STXBP6: variants seen among roughly 807,000 people sequenced by gnomAD.
The protein encoded by STXBP6 is syntaxin binding protein 6.
A neutral mutation model predicts 26.9 loss-of-function variants in STXBP6; 21 were observed. The observed-to-expected ratio is 0.78, with a 90% CI of 0.55 to 1.12. The LOEUF (loss-of-function observed/expected upper bound fraction) is 1.12, where lower values mean the gene tolerates loss of function less well. STXBP6 is among the 50% of genes most tolerant of loss of function. The probability of loss-of-function intolerance (pLI) is 0.00; values close to 1 mark genes in which losing one functional copy is unlikely to be tolerated. For synonymous variants in STXBP6, 97 were observed against 92.6 expected, an observed-to-expected ratio of 1.05 and a Z score of -0.27; for missense variants, 232 against 257.9, an observed-to-expected ratio of 0.90 and a Z score of 0.69.
At chr14:25,018,613 A>G (rs2075203657) in intron 1 of STXBP6, among the ~76,000 whole-genome samples, 1 of 152,180 alleles carries the variant, frequency 6.6e-6, no homozygotes, top group Non-Finnish European at 1.5e-5. Context: ...ATGTTGGCAT[A>G]GCAGGAAAAA....
chr14:24,813,362 A>G (rs1270538714), intron 5 of STXBP6, among the ~76,000 whole-genome samples: 7 of 152,192 alleles, frequency 4.6e-5, no homozygotes, highest in Non-Finnish European at 8.8e-5. Flanking sequence ...AAATACCACA[A>G]TATCAGTCAA....
intron 1 of STXBP6, among the ~76,000 whole-genome samples, chr14:25,006,694 A>G (rs771196076): frequency 2.6e-5 from 4 of 152,214 alleles, no homozygotes; most frequent in Non-Finnish European, 5.9e-5. Flanking sequence ...ACACTAGTAC[A>G]GCATAAAATT....
intron 2 of STXBP6, among the ~76,000 whole-genome samples, chr14:24,962,286 ATTTT>A (rs1566513741): frequency 7.0e-6 from 1 of 142,586 alleles, no homozygotes; most frequent in Non-Finnish European, 1.5e-5. Flanking sequence ...AGTACAAGAT[ATTTT>A]ATTTATTTAT....
At chr14:25,014,050 C>T (rs2075093387) in intron 1 of STXBP6, among the ~76,000 whole-genome samples, 1 of 152,144 alleles carries the variant, frequency 6.6e-6, no homozygotes, top group East Asian at 1.9e-4. Flanking sequence ...TTTGTTTCAA[C>T]ATAATCCCTG....
chr14:24,973,175 G>A (rs903699769), intron 2 of STXBP6, among the ~76,000 whole-genome samples: 3 of 152,236 alleles, frequency 2.0e-5, no homozygotes, highest in Non-Finnish European at 4.4e-5. Context: ...AGTATTAGGT[G>A]AGGCTACTTC....
chr14:24,997,716 AC>A (rs1566548283), intron 1 of STXBP6, among the ~76,000 whole-genome samples: 1 of 152,174 alleles, frequency 6.6e-6, no homozygotes, highest in Non-Finnish European at 1.5e-5. Flanking sequence ...CTGTAAATCC[AC>A]CCTTCAGAGA....
intron 2 of STXBP6, among the ~76,000 whole-genome samples, chr14:24,936,456 G>A (rs896293351): frequency 1.3e-5 from 2 of 152,134 alleles, no homozygotes; most frequent in Admixed American, 6.5e-5. Flanking sequence ...AGAATGTGAA[G>A]AAAGAAATCT....
chr14:24,898,710 CAA>C (rs1186715832), intron 2 of STXBP6, among the ~76,000 whole-genome samples: 4 of 151,926 alleles, frequency 2.6e-5, no homozygotes, highest in African/African-American at 9.7e-5. Context: ...AAAGAAATGG[CAA>C]GGGATTTAGG....
In STXBP6 at chr14:25,022,565, T is replaced by G. The variant is rs572473815; in HGVS notation, c.-33+27313A>C. ...AGAATTTCTCAAAAGGAAATTAAGG[T>G]GCTGCTACCAAAAAAGAAAATCGAT... is the stretch of plus-strand genomic sequence containing the variant. On this transcript the variant is annotated intron_variant, in intron 1 of 5. Coordinates refer to ENST00000323944, the MANE Select transcript of STXBP6 (RefSeq NM_001394410.1). Among the ~76,000 whole-genome samples, 7 of 152,278 alleles carry G rather than the reference T, an allele frequency of 4.6e-5. No individual in the cohort carries two copies. The South Asian group carries it at 1.4e-3, about 32-fold the overall frequency.
intron 2 of STXBP6, among the ~76,000 whole-genome samples, chr14:24,858,215 A>T (rs1035585321): frequency 1.3e-5 from 2 of 152,100 alleles, no homozygotes; most frequent in African/African-American, 2.4e-5. Flanking sequence ...TACAGAAAGC[A>T]CCTACTCCAA....
chr14:24,820,849 A>G (rs1299659450), intron 4 of STXBP6, among the ~76,000 whole-genome samples: 2 of 152,222 alleles, frequency 1.3e-5, no homozygotes, highest in Non-Finnish European at 2.9e-5. Context: ...CTGGTTTCCC[A>G]GTGACTTTTC....
At chr14:24,862,001 TTC>T (rs754355440) in intron 2 of STXBP6, among the ~76,000 whole-genome samples, 10 of 152,088 alleles carry the variant, frequency 6.6e-5, no homozygotes, top group Non-Finnish European at 1.2e-4. Flanking sequence ...GCGTTTTTTG[TTC>T]TGTTTTGCTT....
At chr14:24,820,131 A>G (rs1438474249) in intron 4 of STXBP6, among the ~76,000 whole-genome samples, 1 of 152,248 alleles carries the variant, frequency 6.6e-6, no homozygotes, top group East Asian at 1.9e-4. Flanking sequence ...TTATAGCTGT[A>G]TTTTGTTAAC....
At chr14:24,938,249 T>C (rs1310129721) in intron 2 of STXBP6, among the ~76,000 whole-genome samples, 1 of 152,174 alleles carries the variant, frequency 6.6e-6, no homozygotes, top group Non-Finnish European at 1.5e-5. Flanking sequence ...TCAGAAGAGC[T>C]GCTTCATCAG....
chr14:24,859,320 C>T (rs2069450238), intron 2 of STXBP6, among the ~76,000 whole-genome samples: 1 of 152,116 alleles, frequency 6.6e-6, no homozygotes, highest in African/African-American at 2.4e-5. Flanking sequence ...TTTTCCTGGG[C>T]ACTGAGCCTG....
At position 24,812,689 on chromosome 14, in the gene STXBP6, T is replaced by C; in HGVS notation, c.*20A>G. On this transcript the variant is annotated 3_prime_UTR_variant, in exon 6 of 6. Transcript: ENST00000323944. The stretch of plus-strand genomic sequence containing the variant: ...ACTCTTCAGTTTCTCTTAAGAAGAG[T>C]CACCAGGATAGGCAGTTTCTCAACA... 1 of 1,613,066 alleles carries C rather than the reference T, an allele frequency of 6.2e-7. No homozygotes were observed. The highest frequency in any genetic ancestry group is 8.5e-7 in the Non-Finnish European group (1 of 1,179,210).
intron 2 of STXBP6, among the ~76,000 whole-genome samples, chr14:24,904,584 T>C (rs1340205719): frequency 1.3e-5 from 2 of 152,150 alleles, no homozygotes; most frequent in Non-Finnish European, 2.9e-5. Context: ...AAAAAGGTAA[T>C]ATTAATTGAG....
chr14:25,043,403 C>CA (rs1484605759), intron 1 of STXBP6, among the ~76,000 whole-genome samples: 5 of 151,688 alleles, frequency 3.3e-5, no homozygotes, highest in African/African-American at 7.3e-5. Context: ...AAACAAAAAA[C>CA]AAAAAACTCT....
chr14:24,959,002 G>A (rs913450878), intron 2 of STXBP6, among the ~76,000 whole-genome samples: 3 of 152,112 alleles, frequency 2.0e-5, no homozygotes, highest in East Asian at 1.9e-4. Context: ...TTGTCATAAT[G>A]CGTCTATCAA....
Sources: gnomAD v4.1 joint callset for allele counts (sites outside exome capture counted in the v4.1 genomes callset) on GRCh38, gnomAD v4.1.1 for gene constraint, MANE v1.5 for transcripts, NCBI Gene and HGNC (gene_info 2026-07-23, HGNC 2026-07-21) for gene names.